Variants in SPATA13 observed in about 807,000 individuals in gnomAD.
SPATA13 encodes spermatogenesis-associated protein 13.
SPATA13 carries 50 observed loss-of-function variants against 104.0 expected under a neutral mutation model. The observed-to-expected ratio is 0.48, with a 90% confidence interval of 0.38 to 0.61. The LOEUF is 0.61. Ranked by LOEUF, SPATA13 falls within the 20% of genes least tolerant of loss-of-function variation. SPATA13 has a pLI of 0.00. For synonymous variants in SPATA13, 606 were observed against 667.5 expected, an observed-to-expected ratio of 0.91 and a Z score of 1.42; for missense variants, 1,524 against 1,690.6, an observed-to-expected ratio of 0.90 and a Z score of 1.73.
intron 2 of SPATA13, among the ~76,000 whole-genome samples, chr13:24,005,724 G>T (rs191574039): frequency 6.6e-6 from 1 of 152,270 alleles, no homozygotes; most frequent in African/African-American, 2.4e-5. Flanking sequence ...CTGTAGAGGG[G>T]CATTTTCTGA....
intron 4 of SPATA13, among the ~76,000 whole-genome samples, chr13:24,262,446 A>G (rs1008473008): frequency 6.6e-6 from 1 of 152,156 alleles, no homozygotes; most frequent in Non-Finnish European, 1.5e-5. Context: ...AAAATAAGGC[A>G]GTAAGAATTC....
chr13:24,289,283 G>C (rs1040506168), intron 8 of SPATA13, 105 bp downstream of exon 8: 1 of 923,248 alleles, frequency 1.1e-6, no homozygotes, highest in Non-Finnish European at 1.6e-6. Context: ...TTGTTTGCTA[G>C]ATGAATCTTC....
rs542763118 is a variant in SPATA13 at position 24,099,613 on chromosome 13, C to T, written c.-112+81912C>T. ...CAGGTGTCCCGGGGAGGGCCCACAG[C>T]CCCCCGGGTGGTGTTTCCAGAGACC... is the stretch of plus-strand genomic sequence containing the variant. On this transcript the variant is annotated intron_variant, in intron 3 of 14. Coordinates refer to the SPATA13 transcript ENST00000424834. Among the ~76,000 whole-genome samples the T allele has an allele frequency of 5.9e-5, 9 of 152,254 alleles. No individual in the cohort carries two copies. In the South Asian group the frequency reaches 8.3e-4, roughly 14 times the overall value.
chr13:24,256,473 G>C (rs899916628), intron 4 of SPATA13, among the ~76,000 whole-genome samples: 4 of 152,012 alleles, frequency 2.6e-5, no homozygotes, highest in Non-Finnish European at 5.9e-5. Flanking sequence ...TATTATGTGA[G>C]TTTAAAATAA....
At chr13:24,277,862 C>A (rs2138712052) in intron 4 of SPATA13, among the ~76,000 whole-genome samples, 1 of 152,306 alleles carries the variant, frequency 6.6e-6, no homozygotes. Flanking sequence ...GACGAAGCAT[C>A]AAAGCATAGC....
chr13:24,097,887 A>G (rs1188561983), intron 3 of SPATA13, among the ~76,000 whole-genome samples: 2 of 152,252 alleles, frequency 1.3e-5, no homozygotes, highest in African/African-American at 4.8e-5. Context: ...CAAATTAAAC[A>G]TGAAAGGGAC....
chr13:24,017,932 G>A (rs1424542509), intron 3 of SPATA13, among the ~76,000 whole-genome samples: 3 of 152,132 alleles, frequency 2.0e-5, no homozygotes, highest in South Asian at 2.1e-4. Flanking sequence ...TGTGAAGTGA[G>A]GCCTCCTCTT....
chr13:24,201,242 G>A (rs1870386301), intron 1 of SPATA13, among the ~76,000 whole-genome samples: 1 of 152,108 alleles, frequency 6.6e-6, no homozygotes, highest in African/African-American at 2.4e-5. Flanking sequence ...TGGCCTGACT[G>A]TGCCACTCAT....
chr13:24,193,463 C>T (rs898900655), intron 1 of SPATA13, among the ~76,000 whole-genome samples: 9 of 152,042 alleles, frequency 5.9e-5, no homozygotes, highest in Non-Finnish European at 7.4e-5. Context: ...GTGAGGCCTG[C>T]GGGGGGTGCT....
At chr13:24,139,810 G>A (rs1189468846) in intron 3 of SPATA13, among the ~76,000 whole-genome samples, 1 of 152,184 alleles carries the variant, frequency 6.6e-6, no homozygotes, top group African/African-American at 2.4e-5. Context: ...GCTCACGTCT[G>A]TAATCCCAGC....
chr13:24,295,118 T>C (rs1876673739), intron 10 of SPATA13, among the ~76,000 whole-genome samples: 5 of 152,160 alleles, frequency 3.3e-5, no homozygotes, highest in Admixed American at 2.0e-4. Flanking sequence ...AGCCTCTCTC[T>C]CTCCTCGTAG....
chr13:24,098,107 A>G (rs1287620392), intron 3 of SPATA13, among the ~76,000 whole-genome samples: 2 of 152,256 alleles, frequency 1.3e-5, no homozygotes, highest in Non-Finnish European at 2.9e-5. Flanking sequence ...AATGAAAGTT[A>G]CATTCACTAA....
chr13:24,208,890 C>T (rs1870860158), intron 1 of SPATA13, among the ~76,000 whole-genome samples: 1 of 152,198 alleles, frequency 6.6e-6, no homozygotes, highest in South Asian at 2.1e-4. Flanking sequence ...CACTCTTATA[C>T]TGAAGATCGG....
At chr13:24,044,952 A>G (rs1030076437) in intron 3 of SPATA13, among the ~76,000 whole-genome samples, 1 of 152,146 alleles carries the variant, frequency 6.6e-6, no homozygotes, top group African/African-American at 2.4e-5. Flanking sequence ...TTACAGTTAG[A>G]TAGGAGAAAT....
chr13:24,213,792 C>T (rs572440462), intron 1 of SPATA13, among the ~76,000 whole-genome samples: 166 of 152,108 alleles, frequency 1.1e-3, no homozygotes, highest in African/African-American at 2.3e-3. Flanking sequence ...GAAGATGATA[C>T]GAGAATCTTA....
intron 3 of SPATA13, among the ~76,000 whole-genome samples, chr13:24,070,499 T>A (rs1879120753): frequency 6.6e-6 from 1 of 152,212 alleles, no homozygotes. Flanking sequence ...TCTGAGCCAA[T>A]AGAACTTTAC....
intron 2 of SPATA13, 159 bp downstream of exon 2, chr13:24,224,741 G>C (rs1165054644): frequency 2.7e-6 from 2 of 742,076 alleles, no homozygotes; most frequent in Admixed American, 4.0e-5. Flanking sequence ...TCAAGTTGCT[G>C]TTTACCAAGT....
intron 3 of SPATA13, among the ~76,000 whole-genome samples, chr13:24,050,515 G>T (rs972792436): frequency 2.0e-5 from 3 of 152,174 alleles, no homozygotes; most frequent in African/African-American, 7.2e-5. Context: ...ACTGTCCCTG[G>T]TCAGGCACAC....
At chr13:23,988,491 CAT>C (rs1219323243) in intron 2 of SPATA13, among the ~76,000 whole-genome samples, 1 of 152,190 alleles carries the variant, frequency 6.6e-6, no homozygotes, top group African/African-American at 2.4e-5. Flanking sequence ...CCATTTCACA[CAT>C]GTGCAAGCAT....
Sources: allele counts gnomAD v4.1 joint callset (sites outside exome capture counted in the v4.1 genomes callset), GRCh38; gene constraint gnomAD v4.1.1; transcripts MANE v1.5; gene names NCBI Gene and HGNC (gene_info 2026-07-23, HGNC 2026-07-21).